Variants in COL6A3 observed in about 807,000 individuals in gnomAD.
COL6A3 encodes the protein collagen alpha-3(VI) chain.
COL6A3 carries 137 observed loss-of-function variants against 274.1 expected under a neutral mutation model. That is an observed-to-expected ratio of 0.50 (90% CI 0.44 to 0.58). The LOEUF (loss-of-function observed/expected upper bound fraction) is 0.58. Ranked by LOEUF, COL6A3 falls within the 20% of genes least tolerant of loss-of-function variation. The pLI is 0.00. For missense variants in COL6A3, 3,950 were observed against 4,124.9 expected (o/e 0.96, Z 1.16); for synonymous variants, 1,650 against 1,650.6 (o/e 1.00, Z 0.01).
chr2:237,371,517 G>A lies in COL6A3; in HGVS notation c.4285+215C>T, dbSNP rs564561866. The A allele has an allele frequency of 9.4e-7, 1 of 1,059,006 alleles. No homozygotes were observed. The highest frequency in any genetic ancestry group is 2.8e-5 in the East Asian group (1 of 35,416). 65.6% of individuals were successfully genotyped at this position (1,059,006 alleles called of 1,614,324 possible). ...GGAGGCTGAAGTGGGAGGTTGGCTGGATCCCAGAAGGCAGAGGTTAAAATG... is the reference window on the plus strand; with the variant it reads ...GGAGGCTGAAGTGGGAGGTTGGCTGAATCCCAGAAGGCAGAGGTTAAAATG... On this transcript the variant is annotated intron_variant, in intron 9 of 43. Coordinates refer to ENST00000295550, the MANE Select transcript of COL6A3 (RefSeq NM_004369.4). This position sits in a 1 kb window ranked among gnomAD's most constrained non-coding sequence, Gnocchi z 4.3.
At position 237,330,020 on chromosome 2, in the gene COL6A3, T is replaced by C. The variant is rs572564043; in HGVS notation, c.9328+3430A>G. On this transcript the variant is annotated intron_variant, in intron 42 of 43. Transcript: ENST00000295550. ...GACATGGTGATTTTGTTAGTTGTTT[T>C]GTCTAGTTTCTGCATTGAAACTTCT... 2.0e-5 allele frequency: 3 copies of C among 152,380 alleles called. No individual in the cohort carries two copies. The South Asian group carries it at 6.2e-4, about 32-fold the overall frequency. 9.4% of individuals were successfully genotyped at this position (152,380 alleles called of 1,614,324 possible).
In COL6A3 at chr2:237,361,709, C is replaced by T; in HGVS notation, c.6156+30G>A. ...ATGTCGGGCTTCTGACACCTCATCT[C>T]AGGCGTGGGCAAGGGTAAAGCCACC... is the stretch of plus-strand genomic sequence containing the variant. On this transcript the variant is annotated intron_variant, in intron 15 of 43. Coordinates refer to ENST00000295550, the MANE Select transcript of COL6A3 (RefSeq NM_004369.4). This position sits in a 1 kb window ranked among gnomAD's most constrained non-coding sequence, Gnocchi z 5.1. The T allele has an allele frequency of 6.3e-7, 1 of 1,593,700 alleles. No homozygotes were observed. The highest frequency in any genetic ancestry group is 8.6e-7 in the Non-Finnish European group (1 of 1,161,280).
intron 2 of COL6A3, among the ~76,000 whole-genome samples, chr2:237,395,722 G>A (rs2078422551): frequency 6.6e-6 from 1 of 152,194 alleles, no homozygotes; most frequent in Non-Finnish European, 1.5e-5. Flanking sequence ...ATAAATACAT[G>A]TTCTTTAAGC....
chr2:237,380,766 A>T (rs2077980682), intron 5 of COL6A3, 149 bp downstream of exon 5: 2 of 785,676 alleles, frequency 2.5e-6, no homozygotes, highest in Non-Finnish European at 4.3e-6. Flanking sequence ...CCAGTGCAAA[A>T]GGAAACCTGG....
intron 31 of COL6A3, 36 bp downstream of exon 31, chr2:237,347,771 A>T: frequency 6.3e-7 from 1 of 1,590,160 alleles, no homozygotes; most frequent in Non-Finnish European, 8.6e-7. Context: ...ATACGTTCTC[A>T]TTCCTCACCT....
chr2:237,348,346 T>C lies in COL6A3; in HGVS notation c.6966+3A>G. ...GATGCTTCACCGACCAGGGATTATT[T>C]ACCTTTGGTCCTGGGTATCCAGGGA... On this transcript the variant is annotated splice_donor_region_variant and intron_variant, in intron 30 of 43. Coordinates refer to ENST00000295550, the MANE Select transcript of COL6A3 (RefSeq NM_004369.4). The C allele has an allele frequency of 6.2e-7, 1 of 1,607,514 alleles. No homozygotes were observed. The highest frequency in any genetic ancestry group is 1.1e-5 in the South Asian group (1 of 90,916).
intron 10 of COL6A3, among the ~76,000 whole-genome samples, chr2:237,367,596 A>G (rs982567912): frequency 6.6e-6 from 1 of 152,242 alleles, no homozygotes; most frequent in African/African-American, 2.4e-5. Flanking sequence ...TGGCATTGTG[A>G]CAAGAATTCA....
rs1160776059 is a variant in COL6A3, at chr2:237,372,106, G to A, written c.3911C>T (p.Pro1304Leu). The A allele has an allele frequency of 1.9e-6, 3 of 1,613,968 alleles. No individual in the cohort carries two copies. The change falls in exon 9 of 44, where the codon CCC (proline) becomes CTC (leucine). Residue 1304 changes from proline (P) to leucine (L), a missense_variant. This residue lies in a region of COL6A3 where 1,934 missense variants were observed against 1,984.3 expected (regional missense o/e 0.97). Coordinates refer to ENST00000295550, the MANE Select transcript of COL6A3 (RefSeq NM_004369.4). Reference sequence around the variant, plus strand: ...CACGTTGATCTGCCGCCCTCCCTTGGGCCTCAGCCGCTGCACCGCGTTCTG... The same window carrying A: ...CACGTTGATCTGCCGCCCTCCCTTGAGCCTCAGCCGCTGCACCGCGTTCTG... ...EVQNAVQRLR[P>L]KGGRQINVGN...
In COL6A3 at chr2:237,336,240, G is replaced by A. The variant is rs916143029; in HGVS notation, c.8860C>T (p.Pro2954Ser). The change falls in exon 40 of 44, where the codon CCC becomes TCC. Residue 2954 changes from proline to serine, a missense_variant. Physicochemically the swap from Pro to Ser is moderately conservative, Grantham distance 74. This residue lies in a region of COL6A3 where 1,284 missense variants were observed against 1,349.7 expected (regional missense o/e 0.95). Transcript: ENST00000295550. The part of the protein sequence containing the change: ...PVAAKPAAVR[P>S]PAAAAAKPVA... ...GGTTTTGCAGCAGCAGCAGCGGGGG[G>A]TCTTACAGCTGCTGGCTTTGCTGCT... 3.1e-6 allele frequency: 5 copies of A among 1,614,004 alleles called. No homozygotes were observed. Among genetic ancestry groups the A allele is most frequent in the Admixed American group, 1.7e-5 (1 of 60,026 alleles).
intron 5 of COL6A3, 51 bp downstream of exon 5, chr2:237,380,864 G>T (rs757921351): frequency 8.5e-6 from 13 of 1,535,548 alleles, no homozygotes; most frequent in Non-Finnish European, 1.2e-5. Context: ...GTTCTTAAAG[G>T]CCCTGCCTGG....
chr2:237,387,083 G>A (rs1377988001), intron 4 of COL6A3, among the ~76,000 whole-genome samples: 2 of 152,092 alleles, frequency 1.3e-5, no homozygotes, highest in African/African-American at 2.4e-5. Context: ...ACCTTCAGAA[G>A]TATAACTCTC....
At chr2:237,406,379 T>C (rs2078718725) in intron 1 of COL6A3, among the ~76,000 whole-genome samples, 3 of 152,174 alleles carry the variant, frequency 2.0e-5, no homozygotes, top group Admixed American at 6.5e-5. Flanking sequence ...GTCATTTATT[T>C]GGTTTTCTCC....
At chr2:237,377,538 G>T (rs1231208201) in intron 6 of COL6A3, among the ~76,000 whole-genome samples, 194 bp from the exon 7 acceptor site, 3 of 152,140 alleles carry the variant, frequency 2.0e-5, no homozygotes, top group African/African-American at 7.2e-5. Flanking sequence ...GTGCATATTT[G>T]CAAAGCTAGT....
chr2:237,349,241 A>C (rs1181950214), intron 28 of COL6A3, among the ~76,000 whole-genome samples: 11 of 152,116 alleles, frequency 7.2e-5, no homozygotes, highest in Admixed American at 7.2e-4. Context: ...GAATCAGAAG[A>C]ATCAGAAGAA....
intron 23 of COL6A3, 34 bp from the exon 24 acceptor site, chr2:237,354,968 G>A (rs1414823020): frequency 2.5e-6 from 4 of 1,608,108 alleles, no homozygotes; most frequent in Non-Finnish European, 2.6e-6. Context: ...ACTGTGAGGG[G>A]GAGCATGGGA....
intron 23 of COL6A3, chr2:237,357,019 G>A (rs1280657797): frequency 2.9e-5 from 13 of 446,386 alleles, no homozygotes; most frequent in Admixed American, 7.3e-5. Context: ...CCCTCCCCCA[G>A]TATTAGGATT....
intron 14 of COL6A3, 31 bp downstream of exon 14, chr2:237,363,222 G>C (rs1458676156): frequency 6.2e-7 from 1 of 1,609,534 alleles, no homozygotes; most frequent in South Asian, 1.1e-5. Flanking sequence ...ATCTACACTG[G>C]TCTGTGTATA....
At position 237,354,884 on chromosome 2, in the gene COL6A3, C is replaced by T. The variant is rs1197523321; in HGVS notation, c.6627+15G>A. On this transcript the variant is annotated intron_variant, in intron 24 of 43. Transcript: ENST00000295550. ...GTTTGAAGAGAGTCTCCAGGGGGCACTGCATGAGGCTCACCTTAGCTCCGG... is the reference window on the plus strand; with the variant it reads ...GTTTGAAGAGAGTCTCCAGGGGGCATTGCATGAGGCTCACCTTAGCTCCGG... 2 of 1,612,734 alleles carry T rather than the reference C, an allele frequency of 1.2e-6. No individual in the cohort carries two copies. Among genetic ancestry groups the T allele is most frequent in the African/African-American group, 1.3e-5 (1 of 74,890 alleles).
At chr2:237,375,278 G>A (rs1188116767) in intron 7 of COL6A3, among the ~76,000 whole-genome samples, 1 of 152,188 alleles carries the variant, frequency 6.6e-6, no homozygotes, top group Non-Finnish European at 1.5e-5. Flanking sequence ...GAGAGAAGAT[G>A]TAAGGATGGA....
Sources: gnomAD v4.1 joint callset for allele counts (sites outside exome capture counted in the v4.1 genomes callset) on GRCh38, gnomAD v4.1.1 for gene constraint, gnomAD v4.1.1 regional missense constraint, Gnocchi (gnomAD v3.1) non-coding constraint, MANE v1.5 for transcripts, NCBI Gene and HGNC (gene_info 2026-07-23, HGNC 2026-07-21) for gene names.